Variants in ZNF236 observed in about 807,000 individuals in gnomAD.
The protein encoded by ZNF236 is regulated by glucose.
ZNF236 carries 50 observed loss-of-function variants against 191.2 expected under a neutral mutation model. The ratio of observed to expected loss-of-function variants is 0.26; its 90% confidence interval spans 0.21 to 0.33. The LOEUF (loss-of-function observed/expected upper bound fraction) is 0.33, where lower values mean the gene tolerates loss of function less well. Ranked by LOEUF, ZNF236 falls within the 10% of genes least tolerant of loss-of-function variation. ZNF236 has a pLI of 1.00. For missense variants in ZNF236, 1,754 were observed against 2,374.5 expected, an observed-to-expected ratio of 0.74 and a Z score of 5.43; for synonymous variants, 907 against 928.8, an observed-to-expected ratio of 0.98 and a Z score of 0.43.
chr18:76,852,738 C>A (rs1342068976), intron 3 of ZNF236, among the ~76,000 whole-genome samples: 1 of 152,134 alleles, frequency 6.6e-6, no homozygotes, highest in Non-Finnish European at 1.5e-5. Flanking sequence ...AAAGTCATCT[C>A]TAATTCTGAG....
At position 76,927,599 on chromosome 18, in the gene ZNF236, T is replaced by C; in HGVS notation, c.4414+82T>C. ...TGATTACATATTTGAATTTAGGATG[T>C]TATGATGTCATTTTCTTCTCTTTGT... On this transcript the variant is annotated intron_variant, in intron 24 of 30. Coordinates refer to ENST00000320610, the MANE Select transcript of ZNF236 (RefSeq NM_001306089.2). The surrounding 1 kb of genome is among the most constrained non-coding windows in gnomAD (Gnocchi z 5.4). 2 of 1,503,190 alleles carry C rather than the reference T, an allele frequency of 1.3e-6. No homozygotes were observed. The highest frequency in any genetic ancestry group is 1.8e-6 in the Non-Finnish European group (2 of 1,122,402). 93.1% of individuals were successfully genotyped at this position (1,503,190 alleles called of 1,614,324 possible).
chr18:76,837,638 C>T (rs1251566668), intron 1 of ZNF236, among the ~76,000 whole-genome samples: 2 of 151,326 alleles, frequency 1.3e-5, no homozygotes, highest in African/African-American at 4.9e-5. Flanking sequence ...GACAGGGTTT[C>T]ACCATGTTGG....
intron 11 of ZNF236, 152 bp downstream of exon 11, chr18:76,899,374 T>C (rs1273598734): frequency 1.5e-6 from 1 of 658,946 alleles, no homozygotes; most frequent in Non-Finnish European, 2.5e-6. Flanking sequence ...TTTTGCTTTA[T>C]GGACTAGTAT....
intron 25 of ZNF236, among the ~76,000 whole-genome samples, chr18:76,934,817 G>T (rs1461475541): frequency 6.6e-6 from 1 of 152,124 alleles, no homozygotes; most frequent in Non-Finnish European, 1.5e-5. Flanking sequence ...TTAATCGCAA[G>T]AAAAAACTGA....
At position 76,875,166 on chromosome 18, in the gene ZNF236, G is replaced by A. The variant is rs1475949899; in HGVS notation, c.668-326G>A. 6.6e-6 allele frequency among the ~76,000 whole-genome samples: 1 copy of A among 152,118 alleles called. No homozygotes were observed. The highest frequency in any genetic ancestry group is 1.5e-5 in the Non-Finnish European group (1 of 68,030). ...GGGTGTATTTTGAAGTTATTATTGA[G>A]TGTGAGACGTGAGAGAAACCAAAGA... On this transcript the variant is annotated intron_variant, in intron 5 of 30. Transcript: ENST00000320610. The surrounding 1 kb of genome is among the most constrained non-coding windows in gnomAD (Gnocchi z 4.3).
chr18:76,827,437 G>A (rs1393764876), intron 1 of ZNF236, among the ~76,000 whole-genome samples: 1 of 152,164 alleles, frequency 6.6e-6, no homozygotes, highest in Non-Finnish European at 1.5e-5. Flanking sequence ...CCCCCCACGT[G>A]GCCTCCCAAA....
rs2122644489 is a variant in ZNF236 at position 76,880,643 on chromosome 18, G to T, written c.1188+327G>T. ...TGGAAAAAGCGTTTTATTCTTTCTTGAGGTTCTGGTTTATGATTTGGAGAC... is the reference window on the plus strand; with the variant it reads ...TGGAAAAAGCGTTTTATTCTTTCTTTAGGTTCTGGTTTATGATTTGGAGAC... On this transcript the variant is annotated intron_variant, in intron 8 of 30. Transcript: ENST00000320610. The surrounding 1 kb of genome is among the most constrained non-coding windows in gnomAD (Gnocchi z 5.0). Among the ~76,000 whole-genome samples, 1 of 152,184 alleles carries T rather than the reference G, an allele frequency of 6.6e-6. No homozygotes were observed. Among genetic ancestry groups the T allele is most frequent in the Admixed American group, 6.5e-5 (1 of 15,282 alleles).
intron 25 of ZNF236, among the ~76,000 whole-genome samples, chr18:76,934,776 C>T (rs749910082): frequency 2.6e-5 from 4 of 152,178 alleles, no homozygotes; most frequent in Non-Finnish European, 5.9e-5. Context: ...CCTGTTCTGC[C>T]GCCCCCACCT....
Position 76,919,847 on chromosome 18 carries a change from A to G in ZNF236, c.3346A>G (p.Thr1116Ala). The change falls in exon 20 of 31, where the codon ACT becomes GCT. Residue 1116 changes from threonine to alanine, a missense_variant. Thr to Ala is a moderately conservative substitution (Grantham distance 58). Around this residue, in one of 5 missense-constraint regions of ZNF236, gnomAD observed 641 missense variants for 869.6 expected, o/e 0.74. Transcript: ENST00000320610. This position sits in a 1 kb window ranked among gnomAD's most constrained non-coding sequence, Gnocchi z 5.3. ...ACGGAAGTCTCGTCCTGAGGTCATC[A>G]CTTTCACGGAGGAGGAGACAGCCCA... ...ASRKSRPEVITFTEEETAQLA... is the reference protein window; with the variant it reads ...ASRKSRPEVIAFTEEETAQLA... 1 of 1,614,218 alleles carries G rather than the reference A, an allele frequency of 6.2e-7. No homozygotes were observed. The highest frequency in any genetic ancestry group is 8.5e-7 in the Non-Finnish European group (1 of 1,180,046).
intron 25 of ZNF236, chr18:76,935,864 A>C: frequency 2.4e-6 from 1 of 417,872 alleles, no homozygotes; most frequent in Non-Finnish European, 4.8e-6. Flanking sequence ...TCCCACCAGC[A>C]CTCTGTGCGG....
At chr18:76,872,145 G>T (rs1976599529) in intron 5 of ZNF236, among the ~76,000 whole-genome samples, 1 of 152,180 alleles carries the variant, frequency 6.6e-6, no homozygotes. Context: ...TCCCTCATTT[G>T]TTGTTACTGT....
rs1431105472 is a variant in ZNF236, at chr18:76,878,221, A to G, written c.984+69A>G. The G allele has an allele frequency of 1.3e-5, 19 of 1,434,684 alleles. No individual in the cohort carries two copies. The Admixed American group carries it at 3.9e-4, about 29-fold the overall frequency. 88.9% of individuals were successfully genotyped at this position (1,434,684 alleles called of 1,614,324 possible). A position where few individuals can be genotyped will look rare whatever the true frequency, so the allele number is the denominator to read the frequency against. On this transcript the variant is annotated intron_variant, in intron 7 of 30. Coordinates refer to ENST00000320610, the MANE Select transcript of ZNF236 (RefSeq NM_001306089.2). ...TGTCATTTTAAATATGACCTTTACA[A>G]TTGAATATTTAGTAGCAAAAAGGTG...
intron 13 of ZNF236, 130 bp downstream of exon 13, chr18:76,905,545 G>GAA (rs1159878664): frequency 4.1e-4 from 28 of 68,078 alleles, no homozygotes; most frequent in East Asian, 6.8e-4. Flanking sequence ...ATGGGCTCAA[G>GAA]AAAAAAAAAA....
intron 18 of ZNF236, 132 bp from the exon 19 acceptor site, chr18:76,915,515 C>G: frequency 1.3e-6 from 1 of 783,138 alleles, no homozygotes; most frequent in Non-Finnish European, 2.0e-6. Flanking sequence ...TTTTTTTTAA[C>G]CAAAGTCTGT....
intron 25 of ZNF236, among the ~76,000 whole-genome samples, chr18:76,934,818 A>G (rs1226224809): frequency 6.6e-6 from 1 of 152,254 alleles, no homozygotes; most frequent in East Asian, 1.9e-4. Flanking sequence ...TAATCGCAAG[A>G]AAAAACTGAT....
At chr18:76,873,984 AGTGCT>A (rs1976648929) in intron 5 of ZNF236, among the ~76,000 whole-genome samples, 1 of 133,818 alleles carries the variant, frequency 7.5e-6, no homozygotes, top group South Asian at 2.4e-4. Context: ...CCACACAGGC[AGTGCT>A]GTGACTGGGC....
intron 9 of ZNF236, among the ~76,000 whole-genome samples, chr18:76,884,671 A>T (rs1008104617): frequency 4.1e-4 from 63 of 152,176 alleles, no homozygotes; most frequent in African/African-American, 1.4e-3. Context: ...ATTGGCTGGC[A>T]TCCTACTGTC....
intron 1 of ZNF236, among the ~76,000 whole-genome samples, chr18:76,838,040 A>G (rs1214238291): frequency 6.6e-6 from 1 of 152,258 alleles, no homozygotes; most frequent in Non-Finnish European, 1.5e-5. Context: ...GACATTGCAC[A>G]TTTTTAGGAA....
chr18:76,898,995 A>G (rs1476796307), intron 10 of ZNF236, 24 bp from the exon 11 acceptor site: 2 of 1,589,912 alleles, frequency 1.3e-6, no homozygotes, highest in Non-Finnish European at 1.7e-6. Flanking sequence ...AAATAATTCT[A>G]AAATGTGATT....
Sources: allele counts gnomAD v4.1 joint callset (sites outside exome capture counted in the v4.1 genomes callset), GRCh38; gene constraint gnomAD v4.1.1; regional missense constraint gnomAD v4.1.1; non-coding constraint Gnocchi (gnomAD v3.1); transcripts MANE v1.5; gene names NCBI Gene and HGNC (gene_info 2026-07-23, HGNC 2026-07-21).